The following GPCPD1 variants were observed in gnomAD, a reference collection of about 807,000 sequenced individuals.
GPCPD1 encodes the protein glycerophosphocholine phosphodiesterase GPCPD1.
A neutral mutation model predicts 89.2 loss-of-function variants in GPCPD1; 29 were observed. The observed-to-expected ratio is 0.33, with a 90% CI of 0.24 to 0.44. The LOEUF (loss-of-function observed/expected upper bound fraction) is 0.44. Ranked by LOEUF, GPCPD1 falls within the 20% of genes least tolerant of loss-of-function variation. The probability of loss-of-function intolerance (pLI) is 1.00; values close to 1 mark genes in which losing one functional copy is unlikely to be tolerated. For missense variants in GPCPD1, 594 were observed against 808.9 expected (o/e 0.73, Z 3.22); for synonymous variants, 258 against 266.3 (o/e 0.97, Z 0.30).
intron 1 of GPCPD1, among the ~76,000 whole-genome samples, chr20:5,606,356 A>G (rs238298): frequency 0.039 from 5,921 of 152,070 alleles, 166 homozygotes; most frequent in South Asian, 0.064. Context: ...TGCATCATGT[A>G]CATTACTCTA....
chr20:5,559,823 A>T (rs1031087642), intron 17 of GPCPD1, 117 bp downstream of exon 17: 1 of 559,720 alleles, frequency 1.8e-6, no homozygotes. Flanking sequence ...ACAACCTGAC[A>T]TGATTTCAGA....
At chr20:5,596,289 G>A (rs868426444) in intron 3 of GPCPD1, among the ~76,000 whole-genome samples, 1 of 152,088 alleles carries the variant, frequency 6.6e-6, no homozygotes, top group African/African-American at 2.4e-5. Context: ...CTACTCGAGA[G>A]GCTGAGGCAG....
chr20:5,551,380 A>T (rs906275722), intron 19 of GPCPD1, among the ~76,000 whole-genome samples: 27 of 152,208 alleles, frequency 1.8e-4, no homozygotes, highest in Non-Finnish European at 4.4e-5. Flanking sequence ...TTGCCGCATA[A>T]AATAAGCTGG....
At chr20:5,582,538 A>T (rs1404202624) in intron 6 of GPCPD1, among the ~76,000 whole-genome samples, 1 of 152,200 alleles carries the variant, frequency 6.6e-6, no homozygotes, top group Non-Finnish European at 1.5e-5. Context: ...GAGTCAGTAC[A>T]AACACAATTC....
In GPCPD1 at chr20:5,575,456, C is replaced by A; in HGVS notation, c.958G>T (p.Asp320Tyr). ...TTTCCTGCACCTCGATGGCCAACAT[C>A]CAATGGTATTCTTGGCTTCCAATAC... ...SKYWKPRIPL[D>Y]VGHRGAGNST... Residue 320 changes from aspartate (D) to tyrosine (Y), a missense_variant, in exon 10 of 20, where the codon GAT becomes TAT. Coordinates refer to ENST00000379019, the MANE Select transcript of GPCPD1 (RefSeq NM_019593.5). 6.2e-7 allele frequency: 1 copy of A among 1,607,716 alleles called. No individual in the cohort carries two copies. The highest frequency in any genetic ancestry group is 8.5e-7 in the Non-Finnish European group (1 of 1,174,320).
At chr20:5,590,978 C>T (rs111501207) in intron 4 of GPCPD1, among the ~76,000 whole-genome samples, 8 of 152,088 alleles carry the variant, frequency 5.3e-5, no homozygotes, top group African/African-American at 1.7e-4. Context: ...TATGAGGAAA[C>T]ATCCCTAATT....
intron 19 of GPCPD1, 40 bp downstream of exon 19, chr20:5,557,905 C>A: frequency 8.7e-7 from 1 of 1,148,518 alleles, no homozygotes. Context: ...GAAATCTATA[C>A]TTCTAAATTC....
chr20:5,603,688 A>C (rs1019602474), intron 2 of GPCPD1, among the ~76,000 whole-genome samples: 1 of 152,196 alleles, frequency 6.6e-6, no homozygotes, highest in African/African-American at 2.4e-5. Context: ...AATGAGGCTA[A>C]AAACATATTC....
chr20:5,570,776 A>C (rs1184946163), intron 11 of GPCPD1, among the ~76,000 whole-genome samples: 2 of 152,220 alleles, frequency 1.3e-5, no homozygotes, highest in Non-Finnish European at 2.9e-5. Context: ...GACAGAGACA[A>C]CAGAAACAGG....
chr20:5,608,941 A>G (rs2122839006), intron 1 of GPCPD1, among the ~76,000 whole-genome samples: 1 of 152,350 alleles, frequency 6.6e-6, no homozygotes, highest in East Asian at 1.9e-4. Context: ...ATTAATCCAC[A>G]TTTTAAAAAA....
intron 2 of GPCPD1, among the ~76,000 whole-genome samples, chr20:5,603,128 A>ACT (rs1449487912): frequency 2.0e-5 from 3 of 152,012 alleles, no homozygotes; most frequent in African/African-American, 7.3e-5. Context: ...CCCTGTCTCT[A>ACT]CTAAAAATAC....
At chr20:5,587,373 C>T (rs1446748964) in intron 4 of GPCPD1, among the ~76,000 whole-genome samples, 1 of 151,718 alleles carries the variant, frequency 6.6e-6, no homozygotes, top group African/African-American at 2.4e-5. Flanking sequence ...ATTACACATA[C>T]TCTTTTTTTT....
At position 5,544,808 on chromosome 20, in the gene GPCPD1, C is replaced by T. The variant is rs954444934; in HGVS notation, c.*2853G>A. Reference sequence around the variant, plus strand: ...GATGAGCTTTAGGGAGGAGGCTGCACCTGAGCGGGACACTGAAGGAAGGCA... The same window carrying T: ...GATGAGCTTTAGGGAGGAGGCTGCATCTGAGCGGGACACTGAAGGAAGGCA... On this transcript the variant is annotated 3_prime_UTR_variant, in exon 20 of 20. Transcript: ENST00000379019. 1 of 152,324 alleles carries T rather than the reference C, an allele frequency of 6.6e-6. No individual in the cohort carries two copies. The highest frequency in any genetic ancestry group is 1.5e-5 in the Non-Finnish European group (1 of 68,136). 9.4% of individuals were successfully genotyped at this position (152,324 alleles called of 1,614,324 possible). A position where few individuals can be genotyped will look rare whatever the true frequency, so the allele number is the denominator to read the frequency against.
chr20:5,607,734 C>T (rs1482909248), intron 1 of GPCPD1, among the ~76,000 whole-genome samples: 1 of 151,698 alleles, frequency 6.6e-6, no homozygotes, highest in African/African-American at 2.4e-5. Flanking sequence ...ATGAGAATCA[C>T]TTGAACCCAG....
chr20:5,550,047 G>C (rs567284965), intron 19 of GPCPD1, among the ~76,000 whole-genome samples: 1 of 151,940 alleles, frequency 6.6e-6, no homozygotes, highest in Admixed American at 6.6e-5. Flanking sequence ...CAAAAAATTA[G>C]CCAGGCATGG....
Position 5,547,683 on chromosome 20 carries a change from A to G in GPCPD1, c.1997T>C (p.Ile666Thr). The change falls in exon 20 of 20, where the codon ATT becomes ACT. Residue 666 changes from isoleucine to threonine, a missense_variant. By Grantham distance (89) the Ile-to-Thr change is moderately conservative (BLOSUM62 -1). Transcript: ENST00000379019. Reference protein sequence around the residue: ...ESDIHVDANGIDNVENA With the variant: ...ESDIHVDANGTDNVENA ...AAACTAAGCATTCTCCACGTTATCA[A>G]TGCCGTTGGCATCCACATGGATATC... 6.2e-7 allele frequency: 1 copy of G among 1,605,252 alleles called. No homozygotes were observed. Among genetic ancestry groups the G allele is most frequent in the Non-Finnish European group, 8.5e-7 (1 of 1,173,102 alleles).
At chr20:5,561,298 T>G (rs1288144614) in intron 16 of GPCPD1, among the ~76,000 whole-genome samples, 167 bp downstream of exon 16, 1 of 152,250 alleles carries the variant, frequency 6.6e-6, no homozygotes, top group African/African-American at 2.4e-5. Flanking sequence ...CTAGCATGAA[T>G]GCAAGATATG....
chr20:5,581,092 C>T (rs1429765917), intron 6 of GPCPD1, among the ~76,000 whole-genome samples: 4 of 152,010 alleles, frequency 2.6e-5, no homozygotes, highest in Non-Finnish European at 4.4e-5. Context: ...TGGTCTCAAA[C>T]TCCTAAACTC....
intron 1 of GPCPD1, among the ~76,000 whole-genome samples, chr20:5,610,254 A>T (rs1438061952): frequency 6.6e-6 from 1 of 152,220 alleles, no homozygotes; most frequent in Non-Finnish European, 1.5e-5. Flanking sequence ...AGACCTAAAA[A>T]ATTGTATCGA....
Sources: allele counts gnomAD v4.1 joint callset (sites outside exome capture counted in the v4.1 genomes callset), GRCh38; gene constraint gnomAD v4.1.1; transcripts MANE v1.5; gene names NCBI Gene and HGNC (gene_info 2026-07-23, HGNC 2026-07-21).